Variants in STPG4 observed in about 807,000 individuals in gnomAD.
The protein encoded by STPG4 is sperm-tail PG-rich repeat containing 4, also known as protein STPG4.
In STPG4, 41 loss-of-function variants were observed where a neutral mutation model predicts 31.5. That is an observed-to-expected ratio of 1.30 (90% CI 1.01 to 1.69). The LOEUF is 1.69. STPG4 is among the 40% of genes most tolerant of loss of function. The pLI, the probability that STPG4 is intolerant of heterozygous loss-of-function variation, is 0.00. For missense variants in STPG4, 375 were observed against 293.4 expected (o/e 1.28, Z -2.03); for synonymous variants, 141 against 103.0 (o/e 1.37, Z -2.24).
intron 5 of STPG4, chr2:47,129,168 C>T (rs1686421861): frequency 6.6e-6 from 1 of 152,112 alleles, no homozygotes; most frequent in South Asian, 2.1e-4. Flanking sequence ...CAAGACAAGT[C>T]CTCTTTACTC....
At chr2:47,122,578 A>G (rs1283186641) in intron 5 of STPG4, among the ~76,000 whole-genome samples, 1 of 152,054 alleles carries the variant, frequency 6.6e-6, no homozygotes, top group Non-Finnish European at 1.5e-5. Context: ...TCCTTTCCCT[A>G]CTGACTTGTC....
intron 3 of STPG4, among the ~76,000 whole-genome samples, chr2:47,134,761 G>GT (rs1465602545): frequency 6.6e-6 from 1 of 152,156 alleles, no homozygotes; most frequent in Non-Finnish European, 1.5e-5. Context: ...AGTATGTTTA[G>GT]TTTTTTAAAA....
chr2:47,152,280 T>C (rs1686953917), intron 2 of STPG4, among the ~76,000 whole-genome samples: 1 of 152,244 alleles, frequency 6.6e-6, no homozygotes, highest in South Asian at 2.1e-4. Flanking sequence ...GCAGAGCATA[T>C]GGCCTAGTTA....
chr2:47,101,343 C>T (rs1685795475), intron 5 of STPG4, among the ~76,000 whole-genome samples: 1 of 151,688 alleles, frequency 6.6e-6, no homozygotes. Context: ...GAGAGGAAAG[C>T]CATGCAGCTC....
chr2:47,103,564 G>T (rs552042425), intron 5 of STPG4, among the ~76,000 whole-genome samples: 2 of 151,938 alleles, frequency 1.3e-5, no homozygotes, highest in African/African-American at 2.4e-5. Flanking sequence ...GTTCAGAGAG[G>T]ACAGAAAATG....
At chr2:47,117,044 C>T (rs755059719) in intron 5 of STPG4, among the ~76,000 whole-genome samples, 6 of 152,110 alleles carry the variant, frequency 3.9e-5, no homozygotes, top group Non-Finnish European at 5.9e-5. Context: ...ATGTAGGCTC[C>T]GAGAAATGGG....
intron 3 of STPG4, among the ~76,000 whole-genome samples, chr2:47,150,649 ATT>A (rs58432759): frequency 2.7e-3 from 394 of 144,078 alleles, no homozygotes; most frequent in East Asian, 3.6e-3. Context: ...CCAAGTAGCT[ATT>A]TTTTTTTTTT....
intron 6 of STPG4, 52 bp downstream of exon 6, chr2:47,090,218 C>A (rs77701325): frequency 0.017 from 21,503 of 1,292,160 alleles, 238 homozygotes; most frequent in Middle Eastern, 0.026. Flanking sequence ...AAACCTACCA[C>A]CATAACCATA....
rs1432567919 is a variant in STPG4, at chr2:47,155,215, T to C, written c.37A>G (p.Ile13Val). ...QPAVATASTS[I>V]REDLVGGESF... ...TCTCCACCCACCAGGTCTTCCCTTA[T>C]TGAGGTGGAAGCGGTGGCGACGGCT... Residue 13 changes from isoleucine (I) to valine (V), a missense_variant, in exon 1 of 7, where the codon ATA becomes GTA. Physicochemically the swap from Ile to Val is conservative, Grantham distance 29. Transcript: ENST00000445927. The C allele has an allele frequency of 3.7e-6, 6 of 1,614,004 alleles. 1 individual carries two copies. The highest frequency in any genetic ancestry group is 2.2e-5 in the South Asian group (2 of 91,088).
chr2:47,127,768 C>G (rs1016617042), intron 5 of STPG4, among the ~76,000 whole-genome samples: 1 of 152,074 alleles, frequency 6.6e-6, no homozygotes, highest in Non-Finnish European at 1.5e-5. Flanking sequence ...TGCACTTTGT[C>G]AAAACAGCTA....
At chr2:47,096,930 G>A (rs1023860877) in intron 5 of STPG4, among the ~76,000 whole-genome samples, 2 of 152,096 alleles carry the variant, frequency 1.3e-5, no homozygotes, top group Admixed American at 1.3e-4. Flanking sequence ...ATACCAACTC[G>A]GAGGGCTTAT....
At chr2:47,117,971 G>C (rs1404662780) in intron 5 of STPG4, among the ~76,000 whole-genome samples, 1 of 151,690 alleles carries the variant, frequency 6.6e-6, no homozygotes, top group Non-Finnish European at 1.5e-5. Context: ...CTGTTGCCCA[G>C]GCTGGTCTTG....
intron 5 of STPG4, among the ~76,000 whole-genome samples, chr2:47,107,232 C>A (rs1685931085): frequency 6.6e-6 from 1 of 152,086 alleles, no homozygotes. Context: ...CCTTTCTGGG[C>A]TGGCCAAGGC....
chr2:47,145,503 T>G (rs139623686), intron 3 of STPG4, among the ~76,000 whole-genome samples: 1 of 152,346 alleles, frequency 6.6e-6, no homozygotes, highest in African/African-American at 2.4e-5. Flanking sequence ...TTTTGAGTTG[T>G]ACCAGACTGG....
At chr2:47,105,884 C>T (rs762218359) in intron 5 of STPG4, among the ~76,000 whole-genome samples, 4 of 151,998 alleles carry the variant, frequency 2.6e-5, no homozygotes, top group Non-Finnish European at 4.4e-5. Flanking sequence ...TCTGGGGAAA[C>T]CCCCATTAAA....
intron 3 of STPG4, among the ~76,000 whole-genome samples, chr2:47,149,181 G>T (rs1316316063): frequency 6.6e-6 from 1 of 152,158 alleles, no homozygotes; most frequent in Non-Finnish European, 1.5e-5. Flanking sequence ...TTTGTGGGAG[G>T]TGGAGAGGAA....
chr2:47,089,758 T>G (rs955788374), intron 6 of STPG4, among the ~76,000 whole-genome samples: 1 of 152,200 alleles, frequency 6.6e-6, no homozygotes, highest in Non-Finnish European at 1.5e-5. Context: ...AGGATCCACT[T>G]TCTTTGTATC....
chr2:47,148,196 C>T (rs1320039962), intron 3 of STPG4, among the ~76,000 whole-genome samples: 1 of 152,088 alleles, frequency 6.6e-6, no homozygotes, highest in Non-Finnish European at 1.5e-5. Flanking sequence ...ATCCACCTGC[C>T]TCGGCCTCCC....
At chr2:47,129,336 C>T (rs1686426070) in intron 5 of STPG4, 1 of 153,000 alleles carries the variant, frequency 6.5e-6, no homozygotes. Flanking sequence ...CCTCTGAGCC[C>T]AGCAGAGCAC....
Sources: gnomAD v4.1 joint callset for allele counts (sites outside exome capture counted in the v4.1 genomes callset) on GRCh38, gnomAD v4.1.1 for gene constraint, MANE v1.5 for transcripts, NCBI Gene and HGNC (gene_info 2026-07-23, HGNC 2026-07-21) for gene names.